MGAM: variants seen among roughly 807,000 people sequenced by gnomAD.
MGAM encodes alpha-1,4-glucosidase.
A neutral mutation model predicts 358.8 loss-of-function variants in MGAM; 253 were observed. The ratio of observed to expected loss-of-function variants is 0.71; its 90% confidence interval spans 0.64 to 0.78. The LOEUF is 0.78. Ranked by LOEUF, MGAM falls within the 30% of genes least tolerant of loss-of-function variation. The pLI is 0.00. For synonymous variants in MGAM, 1,105 were observed against 1,227.1 expected, an observed-to-expected ratio of 0.90 and a Z score of 2.08; for missense variants, 3,080 against 3,432.6, an observed-to-expected ratio of 0.90 and a Z score of 2.57.
At chr7:142,056,130 G>T (rs1297982993) in intron 29 of MGAM, 34 bp downstream of exon 29, 1 of 1,557,908 alleles carries the variant, frequency 6.4e-7, no homozygotes, top group Non-Finnish European at 8.7e-7. Flanking sequence ...ATTTTGGGGG[G>T]ATACCAATCA....
chr7:142,047,889 A>G lies in MGAM; in HGVS notation c.2587+16A>G. On this transcript the variant is annotated intron_variant, in intron 22 of 70. Coordinates refer to ENST00000475668, the MANE Select transcript of MGAM (RefSeq NM_001365693.1). ...GAAACGAAGGGTGAGCACTTATACG[A>G]TAATGTTGCTGTTTCCCAACCTGCA... The G allele has an allele frequency of 6.3e-7, 1 of 1,575,326 alleles. No homozygotes were observed. The highest frequency in any genetic ancestry group is 8.7e-7 in the Non-Finnish European group (1 of 1,146,644).
intron 34 of MGAM, among the ~76,000 whole-genome samples, chr7:142,060,669 T>C (rs1274363935): frequency 2.6e-5 from 4 of 152,258 alleles, no homozygotes; most frequent in Non-Finnish European, 4.4e-5. Context: ...GCTGTCAGAT[T>C]CCAAAGGCCC....
In MGAM at chr7:142,036,843, T is replaced by G. The variant is rs74975727; in HGVS notation, c.2097T>G (p.Phe699Leu). The change falls in exon 18 of 71, where the codon TTT (phenylalanine) becomes TTG (leucine). Residue 699 changes from phenylalanine to leucine, a missense_variant. By Grantham distance (22) the Phe-to-Leu change is conservative. Coordinates refer to ENST00000475668, the MANE Select transcript of MGAM (RefSeq NM_001365693.1). ...CCCAGGACCAGGATCCTGCCTCCTTTGGAGCTGACTCCCTGCTGTTGAATT... is the reference window on the plus strand; with the variant it reads ...CCCAGGACCAGGATCCTGCCTCCTTGGGAGCTGACTCCCTGCTGTTGAATT... ...QGYKDQDPAS[F>L]GADSLLLNSS... 1.2e-4 allele frequency: 191 copies of G among 1,613,606 alleles called. No homozygotes were observed. In the African/African-American group the frequency reaches 1.9e-3, roughly 16 times the overall value.
At chr7:142,098,183 A>T (rs1208586668) in intron 66 of MGAM, among the ~76,000 whole-genome samples, 3 of 150,552 alleles carry the variant, frequency 2.0e-5, no homozygotes, top group Non-Finnish European at 4.4e-5. Context: ...AACCCTTGTG[A>T]GTCTAAGCAG....
chr7:142,023,537 G>A (rs1806661703), intron 7 of MGAM, among the ~76,000 whole-genome samples: 1 of 151,824 alleles, frequency 6.6e-6, no homozygotes, highest in Admixed American at 6.6e-5. Context: ...AAAAAACCAA[G>A]GCCCAGCGAA....
chr7:142,046,864 A>T (rs916478375), intron 21 of MGAM, among the ~76,000 whole-genome samples: 2 of 152,070 alleles, frequency 1.3e-5, no homozygotes, highest in African/African-American at 4.8e-5. Flanking sequence ...TCATTTTTTA[A>T]TGAATGTGCC....
At chr7:142,081,240 A>G (rs1321616100) in intron 50 of MGAM, among the ~76,000 whole-genome samples, 1 of 146,446 alleles carries the variant, frequency 6.8e-6, no homozygotes, top group Non-Finnish European at 1.5e-5. Context: ...GACAACAAAT[A>G]ATAAGTAAAT....
intron 2 of MGAM, among the ~76,000 whole-genome samples, chr7:142,008,035 C>T (rs1176358891): frequency 6.6e-6 from 1 of 152,176 alleles, no homozygotes; most frequent in African/African-American, 2.4e-5. Flanking sequence ...GCCATACAGA[C>T]TCTGCCATAA....
intron 27 of MGAM, 23 bp downstream of exon 27, chr7:142,054,931 C>T (rs1171042829): frequency 1.9e-6 from 3 of 1,611,324 alleles, no homozygotes; most frequent in Admixed American, 1.7e-5. Flanking sequence ...TAGTGTGACT[C>T]AGAGTTGATG....
chr7:141,988,145 G>A (rs1396984526), intron 2 of MGAM, among the ~76,000 whole-genome samples: 2 of 152,060 alleles, frequency 1.3e-5, no homozygotes, highest in African/African-American at 2.4e-5. Context: ...AAGATTAGCC[G>A]GGCGTGGTGG....
chr7:141,993,370 A>T (rs1804026948), upstream of MGAM, among the ~76,000 whole-genome samples: 1 of 152,232 alleles, frequency 6.6e-6, no homozygotes, highest in South Asian at 2.1e-4. Context: ...AATAAATTTT[A>T]AAAAAGCATA....
Position 142,054,815 on chromosome 7 carries a change from C to A in MGAM, c.3221C>A (p.Pro1074Gln), listed in dbSNP as rs762472000. ...GTCCCTCTGAACATACCCAGCATGC[C>A]ATCCAGCACCCCTGAGGGTCAACTC... ...VPVPLNIPSMPSSTPEGQLYD... is the reference protein window; with the variant it reads ...VPVPLNIPSMQSSTPEGQLYD... Residue 1074 changes from proline (P) to glutamine (Q), a missense_variant, in exon 27 of 71, where the codon CCA becomes CAA. Physicochemically the swap from Pro to Gln is moderately conservative, Grantham distance 76 (BLOSUM62 -1). This residue lies in a region of MGAM where 1,816 missense variants were observed against 1,840.5 expected (regional missense o/e 0.99). Transcript: ENST00000475668. The A allele has an allele frequency of 1.2e-5, 20 of 1,613,794 alleles. No homozygotes were observed. The highest frequency in any genetic ancestry group is 1.6e-5 in the Non-Finnish European group (19 of 1,179,860).
At position 142,059,584 on chromosome 7, in the gene MGAM, G is replaced by A. The variant is rs774233528; in HGVS notation, c.3932G>A (p.Arg1311Gln). The A allele has an allele frequency of 5.3e-5, 85 of 1,611,632 alleles. No individual in the cohort carries two copies. Among genetic ancestry groups the A allele is most frequent in the Non-Finnish European group, 5.9e-5 (69 of 1,178,490 alleles). Residue 1311 changes from arginine (R) to glutamine (Q), a missense_variant, in exon 32 of 71, where the codon CGG becomes CAG. Coordinates refer to ENST00000475668, the MANE Select transcript of MGAM (RefSeq NM_001365693.1). Reference sequence around the variant, plus strand: ...AATCGCATGAAGGCTGATGGGATGCGGGTCATCCTCATTCTGGTTAGTCCT... The same window carrying A: ...AATCGCATGAAGGCTGATGGGATGCAGGTCATCCTCATTCTGGTTAGTCCT... ...LINRMKADGM[R>Q]VILILDPAIS...
Position 142,050,302 on chromosome 7 carries a change from A to G in MGAM, c.2637+18A>G. The G allele has an allele frequency of 6.2e-7, 1 of 1,611,168 alleles. No individual in the cohort carries two copies. Among genetic ancestry groups the G allele is most frequent in the East Asian group, 2.2e-5 (1 of 44,850 alleles). On this transcript the variant is annotated intron_variant, in intron 23 of 70. Transcript: ENST00000475668. ...TCACTCAAGTGAGTAGCATATTTTTATGAATCTTAGGTGTGGGCTTTGGAC... is the reference window on the plus strand; with the variant it reads ...TCACTCAAGTGAGTAGCATATTTTTGTGAATCTTAGGTGTGGGCTTTGGAC...
chr7:141,995,831 A>G (rs1804177917), upstream of MGAM: 2 of 152,224 alleles, frequency 1.3e-5, no homozygotes, highest in Non-Finnish European at 2.9e-5. Context: ...GTCGGTAAAT[A>G]GTTACCAGAT....
rs182111725 is a variant in MGAM at position 142,046,042 on chromosome 7, A to G, written c.2499-1743A>G. On this transcript the variant is annotated intron_variant, in intron 21 of 70. Transcript: ENST00000475668. ...ACATACAATATGTAATATATATTAT[A>G]TATACATACAATATGTAATATAATA... 8.2e-3 allele frequency among the ~76,000 whole-genome samples: 843 copies of G among 102,192 alleles called. 90 individuals carry two copies. Among genetic ancestry groups the G allele is most frequent in the Middle Eastern group, 0.042 (5 of 120 alleles). 67.0% of individuals were successfully genotyped at this position (102,192 alleles called of 152,430 possible).
chr7:142,000,866 G>T (rs1244999446), intron 1 of MGAM, among the ~76,000 whole-genome samples: 1 of 152,078 alleles, frequency 6.6e-6, no homozygotes, highest in Non-Finnish European at 1.5e-5. Flanking sequence ...ACCAGCAGTC[G>T]GTGGGTGTTT....
At chr7:142,097,326 T>C (rs2129063052) in intron 65 of MGAM, among the ~76,000 whole-genome samples, 1 of 137,734 alleles carries the variant, frequency 7.3e-6, no homozygotes, top group East Asian at 2.2e-4. Context: ...CGTAAGCCTA[T>C]TTCTATAAGC....
Position 142,056,945 on chromosome 7 carries a change from AG to A in MGAM, c.3693+8del, listed in dbSNP as rs770534466. The A allele has an allele frequency of 1.9e-6, 3 of 1,613,458 alleles. No homozygotes were observed. The highest frequency in any genetic ancestry group is 8.5e-7 in the Non-Finnish European group (1 of 1,179,548). ...TTGTCACCCAGCAGTACACTGAGGT[AG>A]GGGGAAATCCAATTGTTTATCAAGT... On this transcript the variant is annotated splice_donor_region_variant and intron_variant, in intron 30 of 70. Coordinates refer to ENST00000475668, the MANE Select transcript of MGAM (RefSeq NM_001365693.1).
Sources: gnomAD v4.1 joint callset for allele counts (sites outside exome capture counted in the v4.1 genomes callset) on GRCh38, gnomAD v4.1.1 for gene constraint, gnomAD v4.1.1 regional missense constraint, MANE v1.5 for transcripts, NCBI Gene and HGNC (gene_info 2026-07-23, HGNC 2026-07-21) for gene names.